The following UBAC2 variants were observed in gnomAD, a reference collection of about 807,000 sequenced individuals.
UBAC2 encodes UBA domain containing 2, also known as ubiquitin-associated domain-containing protein 2.
Under a neutral mutation model 44.0 loss-of-function variants are expected in UBAC2, and 26 were observed. That is an observed-to-expected ratio of 0.59 (90% CI 0.43 to 0.82). The LOEUF (loss-of-function observed/expected upper bound fraction) is 0.82. Among genes scored for constraint, UBAC2 ranks in the 40% least tolerant of loss-of-function variants. UBAC2 has a pLI of 0.00. For synonymous variants in UBAC2, 155 were observed against 154.3 expected (o/e 1.00, Z -0.04); for missense variants, 329 against 419.4 (o/e 0.78, Z 1.88).
At chr13:99,280,446 A>C (rs140157853) in intron 4 of UBAC2, among the ~76,000 whole-genome samples, 3 of 152,172 alleles carry the variant, frequency 2.0e-5, no homozygotes, top group South Asian at 2.1e-4. Context: ...GAGAACTTCA[A>C]GTGTCCCCTT....
intron 4 of UBAC2, among the ~76,000 whole-genome samples, chr13:99,299,999 C>G (rs2044234949): frequency 6.6e-6 from 1 of 152,182 alleles, no homozygotes; most frequent in African/African-American, 2.4e-5. Flanking sequence ...TCATGCTGCC[C>G]TTAAAGAACT....
intron 6 of UBAC2, among the ~76,000 whole-genome samples, chr13:99,337,734 C>T (rs545011202): frequency 1.3e-5 from 2 of 151,912 alleles, no homozygotes; most frequent in South Asian, 2.1e-4. Flanking sequence ...TTGGCCTTCC[C>T]AACCCACATG....
intron 1 of UBAC2, among the ~76,000 whole-genome samples, chr13:99,204,901 CTTTTTTTTT>C (rs569772649): frequency 2.6e-5 from 2 of 75,948 alleles, no homozygotes; most frequent in Admixed American, 1.5e-4. Flanking sequence ...GTTTCGTTTC[CTTTTTTTTT>C]TTTTTTTTTT....
chr13:99,363,499 G>A (rs2045292466), intron 7 of UBAC2, among the ~76,000 whole-genome samples: 1 of 152,218 alleles, frequency 6.6e-6, no homozygotes, highest in Non-Finnish European at 1.5e-5. Context: ...AAGTCCAGCA[G>A]TGGGCAGCCC....
chr13:99,334,422 A>T (rs9517690), intron 6 of UBAC2, among the ~76,000 whole-genome samples: 2 of 152,032 alleles, frequency 1.3e-5, no homozygotes, highest in Non-Finnish European at 2.9e-5. Flanking sequence ...ATGTCATTTC[A>T]TTCAACGTCT....
At chr13:99,343,397 C>T (rs996951574) in intron 7 of UBAC2, among the ~76,000 whole-genome samples, 1 of 152,214 alleles carries the variant, frequency 6.6e-6, no homozygotes, top group Non-Finnish European at 1.5e-5. Context: ...CTTGGAACAT[C>T]ACGGGATCTG....
intron 4 of UBAC2, among the ~76,000 whole-genome samples, chr13:99,279,963 C>A (rs1357342354): frequency 6.6e-6 from 1 of 152,182 alleles, no homozygotes; most frequent in African/African-American, 2.4e-5. Flanking sequence ...TAGTGGCTCC[C>A]ACATAGTGGA....
At chr13:99,240,879 A>C (rs897990582) in intron 2 of UBAC2, among the ~76,000 whole-genome samples, 1 of 152,220 alleles carries the variant, frequency 6.6e-6, no homozygotes. Context: ...TGATATGCTC[A>C]GACTTCTCAT....
chr13:99,383,018 C>G (rs9557205), intron 8 of UBAC2, among the ~76,000 whole-genome samples: 25,833 of 152,254 alleles, frequency 0.17, 2,397 homozygotes, highest in Middle Eastern at 0.23. Context: ...AGGGCAAAAT[C>G]AAGAGCTGTG....
At chr13:99,300,122 G>C (rs1566492180) in intron 4 of UBAC2, among the ~76,000 whole-genome samples, 1 of 152,224 alleles carries the variant, frequency 6.6e-6, no homozygotes, top group Non-Finnish European at 1.5e-5. Context: ...CTCCTTCTAA[G>C]GGCAGGGGGT....
At chr13:99,215,724 T>A in intron 1 of UBAC2, 1 of 1,487,642 alleles carries the variant, frequency 6.7e-7, no homozygotes, top group South Asian at 1.4e-5. Context: ...TGTCTTGGCC[T>A]TTCCGGAGTC....
At chr13:99,367,025 GC>G (rs1029823172) in intron 7 of UBAC2, among the ~76,000 whole-genome samples, 13 of 152,312 alleles carry the variant, frequency 8.5e-5, no homozygotes, top group Admixed American at 8.5e-4. Context: ...TTCAAAGATT[GC>G]CATATAGCTA....
chr13:99,277,882 C>G (rs553816622), intron 4 of UBAC2, among the ~76,000 whole-genome samples: 86 of 152,260 alleles, frequency 5.6e-4, no homozygotes, highest in African/African-American at 2.1e-3. Flanking sequence ...AGGGAACTTG[C>G]TTAGTCTCGG....
intron 1 of UBAC2, among the ~76,000 whole-genome samples, chr13:99,212,435 C>T (rs539801082): frequency 1.2e-4 from 18 of 152,276 alleles, no homozygotes; most frequent in African/African-American, 4.3e-4. Flanking sequence ...TCAGTCATTT[C>T]CCAGAATTTA....
chr13:99,333,737 T>A (rs141350597), intron 6 of UBAC2, among the ~76,000 whole-genome samples: 1 of 152,136 alleles, frequency 6.6e-6, no homozygotes. Flanking sequence ...ATTGAATACA[T>A]AGTTTTGTGA....
chr13:99,254,371 G>A (rs2043502325), intron 4 of UBAC2, among the ~76,000 whole-genome samples: 1 of 152,162 alleles, frequency 6.6e-6, no homozygotes, highest in African/African-American at 2.4e-5. Context: ...AAGGGCTGAT[G>A]GGGATGGCTG....
Position 99,243,131 on chromosome 13 carries a change from G to T in UBAC2, c.160-701G>T, listed in dbSNP as rs78564539. On this transcript the variant is annotated intron_variant, in intron 2 of 8. Coordinates refer to ENST00000403766, the MANE Select transcript of UBAC2 (RefSeq NM_001144072.2). ...GTTTTACCTATCTCATAAGGTCATT[G>T]TGAAGGGGAAATAAGATTAGGATGT... 8.2e-3 allele frequency among the ~76,000 whole-genome samples: 1,239 copies of T among 151,908 alleles called. 13 individuals are homozygous for T. The highest frequency in any genetic ancestry group is 0.028 in the African/African-American group (1,161 of 41,412).
At chr13:99,337,016 G>A (rs1272616134) in intron 6 of UBAC2, among the ~76,000 whole-genome samples, 2 of 150,722 alleles carry the variant, frequency 1.3e-5, no homozygotes, top group East Asian at 3.9e-4. Context: ...CATCATCTTT[G>A]CGCTTTCCTG....
intron 4 of UBAC2, among the ~76,000 whole-genome samples, chr13:99,312,337 A>G (rs539815340): frequency 5.9e-5 from 9 of 152,266 alleles, no homozygotes; most frequent in South Asian, 2.1e-4. Flanking sequence ...TTCTGGTGCC[A>G]TTTTCCCAAA....
Sources: gnomAD v4.1 joint callset for allele counts (sites outside exome capture counted in the v4.1 genomes callset) on GRCh38, gnomAD v4.1.1 for gene constraint, MANE v1.5 for transcripts, NCBI Gene and HGNC (gene_info 2026-07-23, HGNC 2026-07-21) for gene names.